GRIN3A: variants seen among roughly 807,000 people sequenced by gnomAD.
The protein encoded by GRIN3A is glutamate ionotropic receptor NMDA type subunit 3A, also known as glutamate receptor ionotropic, NMDA 3A.
In GRIN3A, 47 loss-of-function variants were observed where a neutral mutation model predicts 92.4. The observed-to-expected ratio is 0.51, with a 90% CI of 0.40 to 0.65. GRIN3A has a LOEUF of 0.65. Among genes scored for constraint, GRIN3A ranks in the 30% least tolerant of loss-of-function variants. The pLI is 0.00. For missense variants in GRIN3A, 1,324 were observed against 1,393.1 expected, an observed-to-expected ratio of 0.95 and a Z score of 0.79; for synonymous variants, 527 against 540.6, an observed-to-expected ratio of 0.97 and a Z score of 0.35.
chr9:101,629,850 G>C (rs1290540050), intron 3 of GRIN3A, among the ~76,000 whole-genome samples: 2 of 152,194 alleles, frequency 1.3e-5, no homozygotes, highest in African/African-American at 4.8e-5. Context: ...AGGTCATGCA[G>C]TTGTAAGTAG....
chr9:101,678,153 G>A (rs1331577008), intron 2 of GRIN3A, among the ~76,000 whole-genome samples: 1 of 152,120 alleles, frequency 6.6e-6, no homozygotes, highest in Admixed American at 6.6e-5. Context: ...GCTCAGTAAT[G>A]TTTTGGGGTA....
At chr9:101,735,041 A>G (rs1259733729) in intron 1 of GRIN3A, among the ~76,000 whole-genome samples, 2 of 151,952 alleles carry the variant, frequency 1.3e-5, no homozygotes, top group East Asian at 3.8e-4. Flanking sequence ...AAGATCAGTT[A>G]TTGTTTTCAC....
chr9:101,709,416 T>C (rs1829851400), intron 1 of GRIN3A, among the ~76,000 whole-genome samples: 1 of 152,120 alleles, frequency 6.6e-6, no homozygotes, highest in Non-Finnish European at 1.5e-5. Context: ...TAGAATACAC[T>C]TGGTTTTGTG....
intron 6 of GRIN3A, among the ~76,000 whole-genome samples, chr9:101,587,174 G>A (rs1827960598): frequency 6.6e-6 from 1 of 152,040 alleles, no homozygotes; most frequent in Admixed American, 6.5e-5. Flanking sequence ...GTCAGGCATG[G>A]TGGCAGGTGC....
rs1292460831 is a variant in GRIN3A at position 101,687,026 on chromosome 9, C to T, written c.874G>A (p.Gly292Ser). 1.2e-6 allele frequency: 2 copies of T among 1,613,918 alleles called. No homozygotes were observed. The highest frequency in any genetic ancestry group is 1.7e-6 in the Non-Finnish European group (2 of 1,179,976). ...LTQNNSKFHLGSIINITANLP... is the reference protein window; with the variant it reads ...LTQNNSKFHLSSIINITANLP... The stretch of plus-strand genomic sequence containing the variant: ...TTAGCGGTGATGTTGATGATAGAAC[C>T]AAGGTGGAACTTGGAATTATTCTGG... The change falls in exon 2 of 9, where the codon GGT (glycine) becomes AGT (serine). Residue 292 changes from glycine to serine, a missense_variant. Physicochemically the swap from Gly to Ser is moderately conservative, Grantham distance 56. Coordinates refer to ENST00000361820, the MANE Select transcript of GRIN3A (RefSeq NM_133445.3).
chr9:101,649,928 A>G (rs144948743), intron 3 of GRIN3A, among the ~76,000 whole-genome samples: 1,555 of 152,172 alleles, frequency 0.01, 9 homozygotes, highest in Middle Eastern at 0.017. Flanking sequence ...GAGTGCTAAT[A>G]TGGCTGAACC....
intron 6 of GRIN3A, chr9:101,592,249 T>A (rs939520942): frequency 2.0e-5 from 3 of 152,244 alleles, no homozygotes; most frequent in Admixed American, 6.5e-5. Context: ...AATGTCCAGT[T>A]AATTTTAGAG....
intron 1 of GRIN3A, among the ~76,000 whole-genome samples, chr9:101,719,077 G>C (rs1829978618): frequency 6.6e-6 from 1 of 152,300 alleles, no homozygotes; most frequent in South Asian, 2.1e-4. Context: ...AGGGGTTTAA[G>C]CAGGTTAGTA....
chr9:101,612,703 A>C (rs1033582668), intron 6 of GRIN3A, among the ~76,000 whole-genome samples: 6 of 152,148 alleles, frequency 3.9e-5, no homozygotes, highest in Non-Finnish European at 8.8e-5. Flanking sequence ...TCCAATTTTA[A>C]TCATCCAATT....
intron 1 of GRIN3A, among the ~76,000 whole-genome samples, chr9:101,712,993 A>G (rs929953812): frequency 6.6e-6 from 1 of 152,244 alleles, no homozygotes; most frequent in African/African-American, 2.4e-5. Flanking sequence ...TGACTTAATC[A>G]TTGCATTCCA....
At chr9:101,667,885 G>A (rs1829262367) in intron 3 of GRIN3A, among the ~76,000 whole-genome samples, 1 of 152,046 alleles carries the variant, frequency 6.6e-6, no homozygotes, top group African/African-American at 2.4e-5. Flanking sequence ...ATGGAAAGAA[G>A]TGAACCTACA....
intron 2 of GRIN3A, among the ~76,000 whole-genome samples, chr9:101,684,364 G>A (rs971542260): frequency 4.9e-5 from 7 of 144,052 alleles, no homozygotes; most frequent in African/African-American, 1.8e-4. Flanking sequence ...GCCCACCTCG[G>A]CCTCCCAAAG....
intron 3 of GRIN3A, among the ~76,000 whole-genome samples, chr9:101,635,675 G>A (rs781250664): frequency 6.6e-6 from 1 of 152,190 alleles, no homozygotes; most frequent in Non-Finnish European, 1.5e-5. Flanking sequence ...TGGAGTATCA[G>A]TCTCCCTACT....
intron 3 of GRIN3A, among the ~76,000 whole-genome samples, chr9:101,654,636 T>G (rs1829060490): frequency 6.6e-6 from 1 of 151,680 alleles, no homozygotes; most frequent in Non-Finnish European, 1.5e-5. Flanking sequence ...ATTTACTTTA[T>G]CTGCCTATTA....
intron 3 of GRIN3A, among the ~76,000 whole-genome samples, chr9:101,666,660 C>A (rs1328635133): frequency 6.6e-6 from 1 of 151,960 alleles, no homozygotes; most frequent in Non-Finnish European, 1.5e-5. Context: ...TAAAATATGC[C>A]ATGCATGAAA....
Position 101,737,770 on chromosome 9 carries a change from G to C in GRIN3A, c.210C>G (p.Asp70Glu). The C allele has an allele frequency of 2.0e-6, 3 of 1,528,644 alleles. No homozygotes were observed. The highest frequency in any genetic ancestry group is 1.2e-5 in the South Asian group (1 of 82,916). 94.7% of individuals were successfully genotyped at this position (1,528,644 alleles called of 1,614,324 possible). Reference protein sequence around the residue: ...TAPRAASRAPDDSRAGAQRDE... With the variant: ...TAPRAASRAPEDSRAGAQRDE... ...CCCTCTGGGCTCCTGCTCGGCTGTC[G>C]TCCGGAGCGCGGCTGGCCGCGCGGG... is the stretch of plus-strand genomic sequence containing the variant. Residue 70 changes from aspartate to glutamate, a missense_variant, in exon 1 of 9, where the codon GAC becomes GAG. By Grantham distance (45) the Asp-to-Glu change is conservative. Transcript: ENST00000361820.
chr9:101,738,123 T>C lies in GRIN3A; in HGVS notation c.-144A>G, dbSNP rs1255017026. ...CGGTCCCAGGAGCTGGAGCGGTCTC[T>C]AGGCCATGCAAGTTGGAGCGTAGCG... On this transcript the variant is annotated 5_prime_UTR_variant, in exon 1 of 9. It removes the in-frame stop codon of an upstream open reading frame in the 5' UTR. Coordinates refer to ENST00000361820, the MANE Select transcript of GRIN3A (RefSeq NM_133445.3). The C allele has an allele frequency of 2.0e-5, 15 of 762,998 alleles. No individual in the cohort carries two copies. In the Admixed American group the frequency reaches 3.0e-4, roughly 15 times the overall value. 47.3% of individuals were successfully genotyped at this position (762,998 alleles called of 1,614,324 possible).
intron 1 of GRIN3A, among the ~76,000 whole-genome samples, chr9:101,723,126 T>C (rs1020239975): frequency 5.3e-5 from 8 of 152,188 alleles, no homozygotes; most frequent in Admixed American, 5.2e-4. Context: ...GTGATAGTAA[T>C]GTGTCCAGAA....
intron 1 of GRIN3A, among the ~76,000 whole-genome samples, chr9:101,693,245 AT>A (rs2118988632): frequency 5.5e-4 from 2 of 3,660 alleles, no homozygotes; most frequent in South Asian, 6.3e-3. Flanking sequence ...CTCAGCTAAA[AT>A]ATATATATAT....
Sources: gnomAD v4.1 joint callset for allele counts (sites outside exome capture counted in the v4.1 genomes callset) on GRCh38, gnomAD v4.1.1 for gene constraint, MANE v1.5 for transcripts, NCBI Gene and HGNC (gene_info 2026-07-23, HGNC 2026-07-21) for gene names.